The following PDK1 variants were observed in gnomAD, a reference collection of about 807,000 sequenced individuals.
The protein encoded by PDK1 is [Pyruvate dehydrogenase (acetyl-transferring)] kinase isozyme 1, mitochondrial.
PDK1 carries 39 observed loss-of-function variants against 54.2 expected under a neutral mutation model. That is an observed-to-expected ratio of 0.72 (90% confidence interval 0.56 to 0.94). The LOEUF (loss-of-function observed/expected upper bound fraction) is 0.94, where lower values mean the gene tolerates loss of function less well. PDK1 is among the 40% of genes least tolerant of loss of function. The pLI, the probability that PDK1 is intolerant of heterozygous loss-of-function variation, is 0.00. For missense variants in PDK1, 552 were observed against 566.0 expected, an observed-to-expected ratio of 0.98 and a Z score of 0.25; for synonymous variants, 221 against 207.1, an observed-to-expected ratio of 1.07 and a Z score of -0.58.
the PDK1 span, among the ~76,000 whole-genome samples, chr2:172,702,889 G>A: frequency 6.6e-6 from 1 of 152,182 alleles, no homozygotes; most frequent in East Asian, 1.9e-4. Flanking sequence ...TGATTTTATG[G>A]TTTATTCCAT....
downstream of PDK1, among the ~76,000 whole-genome samples, chr2:172,609,979 A>C (rs1291593370): frequency 1.3e-5 from 2 of 151,866 alleles, no homozygotes; most frequent in East Asian, 3.9e-4. Context: ...CTGCCACCAC[A>C]CCTGGCTAAT....
At chr2:172,668,906 TAGAG>T in the PDK1 span, among the ~76,000 whole-genome samples, 56,799 of 130,124 alleles carry the variant, frequency 0.44, 12,731 homozygotes, top group Non-Finnish European at 0.52. Flanking sequence ...TATATATATA[TAGAG>T]AGAGAGAGAG....
the PDK1 span, among the ~76,000 whole-genome samples, chr2:172,697,209 C>G: frequency 6.6e-6 from 1 of 152,080 alleles, no homozygotes; most frequent in Non-Finnish European, 1.5e-5. Context: ...ACTGCAAAAC[C>G]CACTGGGCAA....
chr2:172,664,115 C>A, the PDK1 span, among the ~76,000 whole-genome samples: 1 of 151,266 alleles, frequency 6.6e-6, no homozygotes. Context: ...AGTTCGCGAC[C>A]AGCCTGGCCA....
At chr2:172,583,719 T>C (rs145908544) in intron 8 of PDK1, among the ~76,000 whole-genome samples, 178 of 152,272 alleles carry the variant, frequency 1.2e-3, no homozygotes, top group African/African-American at 4.0e-3. Context: ...AAAATCAAAA[T>C]ATCTACATAA....
chr2:172,609,225 G>T (rs1209477845), downstream of PDK1, among the ~76,000 whole-genome samples: 2 of 152,140 alleles, frequency 1.3e-5, no homozygotes, highest in Non-Finnish European at 2.9e-5. Context: ...TCCAGAAAAT[G>T]ATTGTTAAGT....
intron 5 of PDK1, among the ~76,000 whole-genome samples, chr2:172,565,993 A>G (rs971415064): frequency 1.3e-5 from 2 of 152,230 alleles, no homozygotes; most frequent in Admixed American, 6.5e-5. Context: ...CACTTTTGCT[A>G]GTATTTTAGA....
the PDK1 span, among the ~76,000 whole-genome samples, chr2:172,658,449 C>T: frequency 6.6e-6 from 1 of 152,126 alleles, no homozygotes; most frequent in Non-Finnish European, 1.5e-5. Context: ...GATTGTAAAA[C>T]ATGTGTGTTT....
chr2:172,630,352 G>A, the PDK1 span, among the ~76,000 whole-genome samples: 12 of 151,990 alleles, frequency 7.9e-5, no homozygotes, highest in Admixed American at 5.9e-4. Flanking sequence ...GCTCCATATG[G>A]TAACCACTAG....
the PDK1 span, among the ~76,000 whole-genome samples, chr2:172,655,105 CT>C: frequency 4.6e-5 from 7 of 152,258 alleles, no homozygotes; most frequent in East Asian, 1.4e-3. Flanking sequence ...CCTGACCCAC[CT>C]TTTGGAGCTC....
At chr2:172,712,466 GGT>G in the PDK1 span, among the ~76,000 whole-genome samples, 1 of 152,318 alleles carries the variant, frequency 6.6e-6, no homozygotes, top group East Asian at 1.9e-4. Context: ...GGCACAGGGC[GGT>G]GAGGGGTGTG....
chr2:172,634,927 A>G, the PDK1 span, among the ~76,000 whole-genome samples: 1 of 152,170 alleles, frequency 6.6e-6, no homozygotes, highest in African/African-American at 2.4e-5. Context: ...TCATGAAGGA[A>G]CTCTTTTCAG....
intron 2 of PDK1, 150 bp downstream of exon 2, chr2:172,558,999 A>G: frequency 2.6e-6 from 2 of 769,416 alleles, no homozygotes; most frequent in Non-Finnish European, 4.0e-6. Flanking sequence ...CCCAGGCTGG[A>G]GTGCAGTGGC....
rs543677484 is a variant in PDK1 at position 172,568,623 on chromosome 2, C to T, written c.770-118C>T. 4 of 668,124 alleles carry T rather than the reference C, an allele frequency of 6.0e-6. No homozygotes were observed. In the African/African-American group the frequency reaches 7.2e-5, roughly 12 times the overall value. The allele number at this position is 668,124 out of a possible 1,614,324, so 41.4% of individuals were successfully genotyped here. A position where few individuals can be genotyped will look rare whatever the true frequency, so the allele number is the denominator to read the frequency against. ...TGAAGAAATGGTGTGGCAGTTCTCC[C>T]CCAGGTAATACTGTCCTCCGTAGTT... On this transcript the variant is annotated intron_variant, in intron 6 of 10. Transcript: ENST00000282077.
Position 172,607,129 on chromosome 2 carries a change from T to G in PDK1, c.*11160T>G, listed in dbSNP as rs1691324169. 6.6e-6 allele frequency: 1 copy of G among 152,150 alleles called. No homozygotes were observed. Among genetic ancestry groups the G allele is most frequent in the Non-Finnish European group, 1.5e-5 (1 of 68,022 alleles). 9.4% of individuals were successfully genotyped at this position (152,150 alleles called of 1,614,324 possible). A position where few individuals can be genotyped will look rare whatever the true frequency, so the allele number is the denominator to read the frequency against. On this transcript the variant is annotated 3_prime_UTR_variant, in exon 11 of 11. Transcript: ENST00000282077. Reference sequence around the variant, plus strand: ...CATGCTTACATTTTGAGTCCAAAATTAAAATCCAAAATAGCCAAGCATGGT... The same window carrying G: ...CATGCTTACATTTTGAGTCCAAAATGAAAATCCAAAATAGCCAAGCATGGT...
chr2:172,580,589 A>T (rs181507061), intron 8 of PDK1, among the ~76,000 whole-genome samples: 94 of 152,332 alleles, frequency 6.2e-4, no homozygotes, highest in African/African-American at 2.2e-3. Context: ...ATAATGACCC[A>T]GCAATCCTAC....
At chr2:172,587,102 C>G (rs1690273586) in intron 9 of PDK1, among the ~76,000 whole-genome samples, 1 of 152,154 alleles carries the variant, frequency 6.6e-6, no homozygotes, top group African/African-American at 2.4e-5. Flanking sequence ...TTTTAGACCC[C>G]TTCCTAGGAA....
chr2:172,593,093 A>G (rs199605087), intron 10 of PDK1, 45 bp downstream of exon 10: 3 of 973,236 alleles, frequency 3.1e-6, no homozygotes, highest in Non-Finnish European at 4.9e-6. Flanking sequence ...TTTGATGATA[A>G]GAACAGATGT....
At chr2:172,675,067 C>T in the PDK1 span, among the ~76,000 whole-genome samples, 8 of 152,294 alleles carry the variant, frequency 5.3e-5, no homozygotes, top group African/African-American at 1.7e-4. Context: ...ATTGGGGAAC[C>T]ACGAAGCACG....
Sources: allele counts gnomAD v4.1 joint callset (sites outside exome capture counted in the v4.1 genomes callset), GRCh38; gene constraint gnomAD v4.1.1; transcripts MANE v1.5; gene names NCBI Gene and HGNC (gene_info 2026-07-23, HGNC 2026-07-21).